The following SNX13 variants were observed in gnomAD, a reference collection of about 807,000 sequenced individuals.
The protein encoded by SNX13 is sorting nexin 13.
SNX13 carries 45 observed loss-of-function variants against 133.6 expected under a neutral mutation model. The observed-to-expected ratio is 0.34, with a 90% CI of 0.27 to 0.43. The LOEUF (loss-of-function observed/expected upper bound fraction) is 0.43, where lower values mean the gene tolerates loss of function less well. Among genes scored for constraint, SNX13 ranks in the 20% least tolerant of loss-of-function variants. The pLI is 1.00. For missense variants in SNX13, 1,032 were observed against 1,145.1 expected (o/e 0.90, Z 1.43); for synonymous variants, 414 against 373.9 (o/e 1.11, Z -1.24).
At position 17,926,841 on chromosome 7, in the gene SNX13, G is replaced by A. The variant is rs148738516; in HGVS notation, c.12+13443C>T. On this transcript the variant is annotated intron_variant, in intron 1 of 25. Coordinates refer to ENST00000428135, the MANE Select transcript of SNX13 (RefSeq NM_015132.5). The stretch of plus-strand genomic sequence containing the variant: ...GTCAAGGCTGCAGTGAGCCGTGTTC[G>A]TGCTACTGCACTCTAGCCTGGACGA... 9.9e-3 allele frequency among the ~76,000 whole-genome samples: 1,514 copies of A among 152,256 alleles called. 29 individuals are homozygous for A. The highest frequency in any genetic ancestry group is 0.035 in the African/African-American group (1,434 of 41,540).
chr7:17,885,317 T>C (rs1053702229), intron 5 of SNX13, among the ~76,000 whole-genome samples: 1 of 149,514 alleles, frequency 6.7e-6, no homozygotes, highest in African/African-American at 2.5e-5. Flanking sequence ...AAAAAAAGAT[T>C]AGTGGTTACC....
At position 17,873,768 on chromosome 7, in the gene SNX13, A is replaced by G. The variant is rs1304329841; in HGVS notation, c.665-152T>C. 2.0e-5 allele frequency among the ~76,000 whole-genome samples: 3 copies of G among 152,224 alleles called. No individual in the cohort carries two copies. The East Asian group carries it at 5.8e-4, about 29-fold the overall frequency. On this transcript the variant is annotated intron_variant, in intron 7 of 25. Transcript: ENST00000428135. ...AATTAGTACACATCAGTATTCATTA[A>G]AAATTCCTTCATTATTCTCCAAGTA...
intron 1 of SNX13, among the ~76,000 whole-genome samples, chr7:17,900,530 G>A (rs1171324983): frequency 6.6e-6 from 1 of 152,156 alleles, no homozygotes; most frequent in Non-Finnish European, 1.5e-5. Flanking sequence ...GCCACAAGAT[G>A]AAGTCCTTCC....
At chr7:17,863,825 C>T (rs760494970) in intron 9 of SNX13, among the ~76,000 whole-genome samples, 1 of 152,240 alleles carries the variant, frequency 6.6e-6, no homozygotes, top group South Asian at 2.1e-4. Context: ...TACACAGAAA[C>T]AGACCCTTTG....
intron 1 of SNX13, 83 bp downstream of exon 1, chr7:17,940,201 C>T: frequency 6.5e-7 from 1 of 1,535,858 alleles, no homozygotes; most frequent in Non-Finnish European, 8.8e-7. Flanking sequence ...GGCCCACCTT[C>T]CGTACAGATG....
intron 9 of SNX13, among the ~76,000 whole-genome samples, chr7:17,860,139 C>T (rs1165712290): frequency 1.3e-5 from 2 of 152,100 alleles, no homozygotes; most frequent in Non-Finnish European, 2.9e-5. Flanking sequence ...TCCACATCCT[C>T]GCCAATACCT....
intron 1 of SNX13, among the ~76,000 whole-genome samples, chr7:17,920,192 A>G (rs1799978669): frequency 6.6e-6 from 1 of 152,174 alleles, no homozygotes; most frequent in South Asian, 2.1e-4. Flanking sequence ...TTTAATCATG[A>G]TATCTATTTC....
intron 15 of SNX13, 117 bp downstream of exon 15, chr7:17,833,935 T>TATTA: frequency 1.5e-6 from 1 of 670,588 alleles, no homozygotes; most frequent in Admixed American, 4.0e-5. Flanking sequence ...TTTTTTAATA[T>TATTA]ATTACAGTTT....
At position 17,792,272 on chromosome 7, in the gene SNX13, A is replaced by G. The variant is rs912402573; in HGVS notation, c.*1773T>C. The G allele has an allele frequency of 2.6e-5, 4 of 152,008 alleles. No individual in the cohort carries two copies. Among genetic ancestry groups the G allele is most frequent in the African/African-American group, 9.7e-5 (4 of 41,422 alleles). The allele number at this position is 152,008 out of a possible 1,614,324, so 9.4% of individuals were successfully genotyped here. ...AAAGCCTGGGGCTCAGGGAGGGGCC[A>G]AGGCAGGGAGACACCCTGAGAAGAA... is the stretch of plus-strand genomic sequence containing the variant. On this transcript the variant is annotated 3_prime_UTR_variant, in exon 26 of 26. Coordinates refer to ENST00000428135, the MANE Select transcript of SNX13 (RefSeq NM_015132.5).
At chr7:17,805,211 T>TTGTGTGTGTGGGTGTG (rs1785061976) in intron 20 of SNX13, among the ~76,000 whole-genome samples, 1 of 118,492 alleles carries the variant, frequency 8.4e-6, no homozygotes, top group Non-Finnish European at 1.7e-5. Context: ...TAATGATTCT[T>TTGTGTGTGTGGGTGTG]TGTGTGTGTG....
intron 8 of SNX13, among the ~76,000 whole-genome samples, chr7:17,871,785 G>A (rs180877000): frequency 1.3e-5 from 2 of 152,242 alleles, no homozygotes; most frequent in Non-Finnish European, 2.9e-5. Flanking sequence ...TGCAACAGTT[G>A]CTGGATAAGG....
Position 17,915,129 on chromosome 7 carries a change from G to A in SNX13, c.13-17683C>T, listed in dbSNP as rs904104258. Among the ~76,000 whole-genome samples, 3 of 152,142 alleles carry A rather than the reference G, an allele frequency of 2.0e-5. No homozygotes were observed. In the East Asian group the frequency reaches 5.8e-4, roughly 29 times the overall value. ...AAACACTAAAAAAGGACAAAGAAGAGCATTATATTATGATAAAGGTTCATC... is the reference window on the plus strand; with the variant it reads ...AAACACTAAAAAAGGACAAAGAAGAACATTATATTATGATAAAGGTTCATC... On this transcript the variant is annotated intron_variant, in intron 1 of 25. Coordinates refer to ENST00000428135, the MANE Select transcript of SNX13 (RefSeq NM_015132.5).
At chr7:17,845,207 A>T (rs1790352329) in intron 12 of SNX13, among the ~76,000 whole-genome samples, 1 of 151,994 alleles carries the variant, frequency 6.6e-6, no homozygotes. Context: ...AAAGGAAGGA[A>T]ATTCTCACAT....
intron 20 of SNX13, among the ~76,000 whole-genome samples, chr7:17,804,913 C>T (rs1785016856): frequency 6.6e-6 from 1 of 152,078 alleles, no homozygotes; most frequent in African/African-American, 2.4e-5. Context: ...ATTTTCATAG[C>T]TTCCATCAAG....
At chr7:17,887,318 C>A (rs1438439428) in intron 5 of SNX13, among the ~76,000 whole-genome samples, 2 of 152,140 alleles carry the variant, frequency 1.3e-5, no homozygotes, top group Admixed American at 1.3e-4. Flanking sequence ...CCAAGGCTGT[C>A]TGCATCACAC....
chr7:17,803,192 T>C, intron 21 of SNX13, among the ~76,000 whole-genome samples: 1 of 152,218 alleles, frequency 6.6e-6, no homozygotes, highest in East Asian at 1.9e-4. Context: ...TTTAAATGAA[T>C]TTTAAAACCC....
chr7:17,892,192 G>C (rs1446039012), intron 3 of SNX13, among the ~76,000 whole-genome samples: 1 of 151,874 alleles, frequency 6.6e-6, no homozygotes, highest in Non-Finnish European at 1.5e-5. Flanking sequence ...CATAGATACA[G>C]ATATAGACAT....
chr7:17,831,154 G>A (rs1788441410), intron 15 of SNX13: 1 of 984,020 alleles, frequency 1.0e-6, no homozygotes, highest in Non-Finnish European at 1.2e-6. Flanking sequence ...GCAAAATAGG[G>A]CATAGTTTAT....
intron 11 of SNX13, among the ~76,000 whole-genome samples, chr7:17,847,717 T>C (rs1790716435): frequency 6.6e-6 from 1 of 152,196 alleles, no homozygotes; most frequent in Admixed American, 6.5e-5. Flanking sequence ...CTGTTTCTAA[T>C]TTACCTCTTC....
Sources: gnomAD v4.1 joint callset for allele counts (sites outside exome capture counted in the v4.1 genomes callset) on GRCh38, gnomAD v4.1.1 for gene constraint, MANE v1.5 for transcripts, NCBI Gene and HGNC (gene_info 2026-07-23, HGNC 2026-07-21) for gene names.